Variants in CNTN6 observed in about 807,000 individuals in gnomAD.
The protein encoded by CNTN6 is contactin-6.
Under a neutral mutation model 122.8 loss-of-function variants are expected in CNTN6, and 137 were observed. The ratio of observed to expected loss-of-function variants is 1.12; its 90% CI spans 0.97 to 1.29. The LOEUF (loss-of-function observed/expected upper bound fraction) is 1.29, where lower values mean the gene tolerates loss of function less well. CNTN6 is among the 50% of genes most tolerant of loss of function. The probability of loss-of-function intolerance (pLI) is 0.00; values close to 1 mark genes in which losing one functional copy is unlikely to be tolerated. For missense variants in CNTN6, 1,634 were observed against 1,223.4 expected (o/e 1.34, Z -5.01); for synonymous variants, 570 against 426.0 (o/e 1.34, Z -4.16).
chr3:1,258,709 G>T (rs1014205645), intron 4 of CNTN6, among the ~76,000 whole-genome samples: 1 of 152,046 alleles, frequency 6.6e-6, no homozygotes, highest in Non-Finnish European at 1.5e-5. Flanking sequence ...GGTCCCTGAA[G>T]ACCTATATCT....
At chr3:1,373,795 AAAT>A in intron 15 of CNTN6, 33 bp downstream of exon 15, 1 of 1,543,496 alleles carries the variant, frequency 6.5e-7, no homozygotes, top group South Asian at 1.3e-5. Context: ...GTCACTTTAA[AAAT>A]AATATTTTAG....
rs572297980 is a variant in CNTN6 at position 1,161,912 on chromosome 3, A to G, written c.55+13849A>G. ...GTTTTGTCTATTTTAGCACTAATTT[A>G]GATTTTGATATTTTATTTTTCATAC... On this transcript the variant is annotated intron_variant, in intron 2 of 22. Coordinates refer to ENST00000446702, the MANE Select transcript of CNTN6 (RefSeq NM_001289080.2). Among the ~76,000 whole-genome samples the G allele has an allele frequency of 2.0e-5, 3 of 152,212 alleles. No homozygotes were observed. The South Asian group carries it at 6.2e-4, about 32-fold the overall frequency.
rs900061661 is a variant in CNTN6, at chr3:1,381,913, C to T, written c.2167-1029C>T. 4.6e-5 allele frequency among the ~76,000 whole-genome samples: 7 copies of T among 151,976 alleles called. No homozygotes were observed. The East Asian group carries it at 5.8e-4, about 13-fold the overall frequency. On this transcript the variant is annotated intron_variant, in intron 17 of 22. Transcript: ENST00000446702. ...CTGCCCTCATAGATACTCACCAAGA[C>T]GGTGCCTGTGGTTCTGGCGCTCGTG...
chr3:1,195,094 C>A (rs901371564), intron 2 of CNTN6, among the ~76,000 whole-genome samples: 11 of 152,218 alleles, frequency 7.2e-5, no homozygotes, highest in African/African-American at 2.4e-4. Context: ...CCTAATTATT[C>A]CGGGGCCAGG....
Position 1,403,515 on chromosome 3 carries a change from C to T in CNTN6, c.*97C>T. 1 of 597,512 alleles carries T rather than the reference C, an allele frequency of 1.7e-6. No individual in the cohort carries two copies. 37.0% of individuals were successfully genotyped at this position (597,512 alleles called of 1,614,324 possible). On this transcript the variant is annotated 3_prime_UTR_variant, in exon 23 of 23. Transcript: ENST00000446702. ...ACACAAGATGCGTTCTTAATACAGA[C>T]TTGTTTGCAAAGAAAAAAAAAAGTA...
intron 4 of CNTN6, among the ~76,000 whole-genome samples, chr3:1,235,880 G>A (rs538324967): frequency 6.6e-6 from 1 of 152,206 alleles, no homozygotes; most frequent in South Asian, 2.1e-4. Context: ...GGGGCATGGT[G>A]GGAGTGAGAC....
chr3:1,293,587 A>G (rs1017643399), intron 5 of CNTN6, among the ~76,000 whole-genome samples: 3 of 152,112 alleles, frequency 2.0e-5, no homozygotes, highest in Admixed American at 1.3e-4. Flanking sequence ...CCAGTTTTTA[A>G]TGTAAGTACA....
At chr3:1,172,616 CTCTCTG>C (rs1277414440) in intron 2 of CNTN6, among the ~76,000 whole-genome samples, 1 of 64,378 alleles carries the variant, frequency 1.6e-5, no homozygotes, top group African/African-American at 1.1e-4. Context: ...TCTGCAATAA[CTCTCTG>C]TGTGTGTGTG....
chr3:1,291,407 C>T (rs564481294), intron 5 of CNTN6, among the ~76,000 whole-genome samples: 23 of 152,166 alleles, frequency 1.5e-4, no homozygotes, highest in African/African-American at 5.1e-4. Flanking sequence ...AGTCTCAGGT[C>T]CCAAGATTAC....
At chr3:1,337,399 C>G (rs1288138880) in intron 11 of CNTN6, among the ~76,000 whole-genome samples, 3 of 152,094 alleles carry the variant, frequency 2.0e-5, no homozygotes, top group Admixed American at 1.3e-4. Flanking sequence ...TGCCTTTACC[C>G]CCAAGTGCTC....
intron 4 of CNTN6, among the ~76,000 whole-genome samples, chr3:1,261,836 G>T (rs1398604717): frequency 6.6e-6 from 1 of 152,076 alleles, no homozygotes; most frequent in Non-Finnish European, 1.5e-5. Flanking sequence ...TAATTTAAAA[G>T]GTCACATGTA....
intron 4 of CNTN6, among the ~76,000 whole-genome samples, chr3:1,244,171 C>T (rs2094526496): frequency 1.3e-5 from 2 of 152,050 alleles, no homozygotes; most frequent in Admixed American, 6.6e-5. Flanking sequence ...GGTTTTAGGT[C>T]AGGTGTGTGT....
intron 1 of CNTN6, among the ~76,000 whole-genome samples, chr3:1,145,481 G>C (rs1278460662): frequency 1.7e-5 from 2 of 121,184 alleles, no homozygotes; most frequent in African/African-American, 7.3e-5. Context: ...ACAAGAAGGA[G>C]ACAGAATTAT....
chr3:1,253,538 A>G (rs1474736628), intron 4 of CNTN6, among the ~76,000 whole-genome samples: 1 of 152,176 alleles, frequency 6.6e-6, no homozygotes, highest in Admixed American at 6.5e-5. Context: ...ATCGTTTTCA[A>G]CTGATTTGAC....
intron 8 of CNTN6, among the ~76,000 whole-genome samples, chr3:1,322,567 T>C (rs1375472630): frequency 2.6e-5 from 4 of 151,770 alleles, no homozygotes; most frequent in Admixed American, 2.0e-4. Flanking sequence ...TATTGATATA[T>C]GGCCAAAATA....
At chr3:1,379,360 C>A (rs1366514272) in intron 17 of CNTN6, among the ~76,000 whole-genome samples, 8 of 152,056 alleles carry the variant, frequency 5.3e-5, no homozygotes, top group African/African-American at 1.9e-4. Flanking sequence ...GACCATATAT[C>A]CCACAATGCT....
Position 1,138,332 on chromosome 3 carries a change from CTA to C in CNTN6, c.-82-9592_-82-9591del, listed in dbSNP as rs2092531834. ...CATTGAATATTGGTCCAACTTCACA[CTA>C]TAGAATTTTATTCTCTGCTTTTTTT... On this transcript the variant is annotated intron_variant, in intron 1 of 22. Transcript: ENST00000446702. Among the ~76,000 whole-genome samples, 6 of 151,186 alleles carry C rather than the reference CTA, an allele frequency of 4.0e-5. No individual in the cohort carries two copies. In the South Asian group the frequency reaches 1.2e-3, roughly 31 times the overall value.
chr3:1,213,487 C>T (rs1471940526), intron 2 of CNTN6, among the ~76,000 whole-genome samples: 2 of 151,722 alleles, frequency 1.3e-5, no homozygotes, highest in Non-Finnish European at 2.9e-5. Context: ...TCTGATGTTT[C>T]TTTAATATAA....
At chr3:1,111,592 A>G (rs1224343285) in intron 1 of CNTN6, among the ~76,000 whole-genome samples, 1 of 152,210 alleles carries the variant, frequency 6.6e-6, no homozygotes, top group East Asian at 1.9e-4. Flanking sequence ...GCAACAGTGA[A>G]CTCAGAGAAG....
Sources: gnomAD v4.1 joint callset for allele counts (sites outside exome capture counted in the v4.1 genomes callset) on GRCh38, gnomAD v4.1.1 for gene constraint, MANE v1.5 for transcripts, NCBI Gene and HGNC (gene_info 2026-07-23, HGNC 2026-07-21) for gene names.